Variants in C17orf99 observed in about 807,000 individuals in gnomAD.
C17orf99 encodes protein IL-40.
In C17orf99, 18 loss-of-function variants were observed where a neutral mutation model predicts 22.6. The ratio of observed to expected loss-of-function variants is 0.80; its 90% confidence interval spans 0.55 to 1.18. The LOEUF is 1.18. C17orf99 is among the 50% of genes most tolerant of loss of function. The pLI is 0.00. For missense variants in C17orf99, 328 were observed against 342.7 expected, an observed-to-expected ratio of 0.96 and a Z score of 0.34; for synonymous variants, 147 against 136.6, an observed-to-expected ratio of 1.08 and a Z score of -0.53.
intron 2 of C17orf99, 21 bp from the exon 3 acceptor site, chr17:78,160,934 T>A (rs2075570138): frequency 6.5e-7 from 1 of 1,542,856 alleles, no homozygotes; most frequent in Non-Finnish European, 8.8e-7. Flanking sequence ...TTCTTCCTCC[T>A]TGGACCTTTT....
chr17:78,147,211 C>CA (rs1354324644), intron 2 of C17orf99, among the ~76,000 whole-genome samples: 1 of 152,180 alleles, frequency 6.6e-6, no homozygotes, highest in African/African-American at 2.4e-5. Flanking sequence ...GGTGCATCCT[C>CA]ATCACTCTGC....
chr17:78,161,296 G>A (rs1264111037), intron 3 of C17orf99, 42 bp downstream of exon 3: 18 of 1,508,164 alleles, frequency 1.2e-5, no homozygotes, highest in Non-Finnish European at 1.5e-5. Flanking sequence ...GGCAGGTGGG[G>A]TGCAGATCAA....
intron 2 of C17orf99, among the ~76,000 whole-genome samples, chr17:78,148,283 G>A (rs2075451576): frequency 6.6e-6 from 1 of 151,722 alleles, no homozygotes; most frequent in African/African-American, 2.4e-5. Context: ...TGGGGTCAAG[G>A]GATTCTTCCA....
chr17:78,164,711 C>T, intron 4 of C17orf99: 1 of 1,358,374 alleles, frequency 7.4e-7, no homozygotes, highest in Non-Finnish European at 9.6e-7. Flanking sequence ...TGCTGATGGC[C>T]TGAGAGGTCC....
Position 78,161,063 on chromosome 17 carries a change from A to T in C17orf99, c.179A>T (p.Tyr60Phe), listed in dbSNP as rs1410740479. Residue 60 changes from tyrosine to phenylalanine, a missense_variant, in exon 3 of 5, where the codon TAT becomes TTT. Tyr to Phe is a conservative substitution (Grantham distance 22, BLOSUM62 3). Coordinates refer to ENST00000340363, the MANE Select transcript of C17orf99 (RefSeq NM_001163075.2). ...CAPQPPPPIT[Y>F]SLCGTKNIKV... ...CCCCAGCCACCACCGCCCATCACCT[A>T]TTCCCTCTGTGGAACCAAGAACATC... 2 of 1,551,574 alleles carry T rather than the reference A, an allele frequency of 1.3e-6. No individual in the cohort carries two copies. The highest frequency in any genetic ancestry group is 1.7e-6 in the Non-Finnish European group (2 of 1,146,982).
At chr17:78,164,921 T>C in intron 4 of C17orf99, 1 of 1,155,470 alleles carries the variant, frequency 8.7e-7, no homozygotes, top group African/African-American at 1.6e-5. Context: ...TGTAACACAG[T>C]CTGCTGGCCT....
intron 2 of C17orf99, among the ~76,000 whole-genome samples, chr17:78,150,364 G>A (rs768814033): frequency 6.6e-6 from 1 of 152,064 alleles, no homozygotes; most frequent in African/African-American, 2.4e-5. Context: ...AGCTGGTCTT[G>A]AACTCCTGGC....
chr17:78,154,531 G>A (rs950483768), intron 2 of C17orf99, among the ~76,000 whole-genome samples: 17 of 151,846 alleles, frequency 1.1e-4, no homozygotes, highest in Admixed American at 2.0e-4. Context: ...CTGGGTGACA[G>A]GGTAAGACTT....
At position 78,164,284 on chromosome 17, in the gene C17orf99, G is replaced by A. The variant is rs1332651855; in HGVS notation, c.560G>A (p.Ser187Asn). 1.3e-6 allele frequency: 2 copies of A among 1,551,608 alleles called. No individual in the cohort carries two copies. Among genetic ancestry groups the A allele is most frequent in the Non-Finnish European group, 1.7e-6 (2 of 1,147,008 alleles). ...RQPANFSFLP[S>N]QTSDWFWCQA... ...CCTGCCAACTTCTCCTTCCTGCCGA[G>A]CCAGACATCGGACTGGTTCTGGTGC... Residue 187 changes from serine to asparagine, a missense_variant, in exon 4 of 5, where the codon AGC (serine) becomes AAC (asparagine). Ser to Asn is a conservative substitution (Grantham distance 46). Transcript: ENST00000340363.
chr17:78,146,816 A>G lies in C17orf99; in HGVS notation c.38-63A>G. On this transcript the variant is annotated intron_variant, in intron 1 of 4. Coordinates refer to ENST00000340363, the MANE Select transcript of C17orf99 (RefSeq NM_001163075.2). This position sits in a 1 kb window ranked among gnomAD's most constrained non-coding sequence, Gnocchi z 5.2. ...TCCTGGCTTCAGCAGGTGGGTCTCG[A>G]GGCTGTCTCTGGTCTCCCCTCCACA... is the stretch of plus-strand genomic sequence containing the variant. 6.7e-7 allele frequency: 1 copy of G among 1,502,172 alleles called. No individual in the cohort carries two copies. The highest frequency in any genetic ancestry group is 9.1e-7 in the Non-Finnish European group (1 of 1,103,182). The allele number at this position is 1,502,172 out of a possible 1,614,324, so 93.1% of individuals were successfully genotyped here. A position where few individuals can be genotyped will look rare whatever the true frequency, so the allele number is the denominator to read the frequency against.
intron 3 of C17orf99, among the ~76,000 whole-genome samples, chr17:78,162,092 G>A (rs771952954): frequency 8.6e-5 from 13 of 151,394 alleles, no homozygotes; most frequent in African/African-American, 2.2e-4. Context: ...TCTGGCCAAC[G>A]TAGTGAAACC....
chr17:78,146,378 C>T, upstream of C17orf99: 1 of 1,548,102 alleles, frequency 6.5e-7, no homozygotes. The surrounding 1 kb of genome is among the most constrained non-coding windows in gnomAD (Gnocchi z 5.2). Context: ...GTTCTCACTG[C>T]CCGAGCAGAG....
At chr17:78,146,361 C>T, upstream of C17orf99, 1 of 1,539,952 alleles carries the variant, frequency 6.5e-7, no homozygotes, top group Non-Finnish European at 8.8e-7. The surrounding 1 kb of genome is among the most constrained non-coding windows in gnomAD (Gnocchi z 5.2). Context: ...AGGCCAGGAA[C>T]TAGGAGGTTC....
At chr17:78,158,925 CA>C in intron 2 of C17orf99, 1 of 162,886 alleles carries the variant, frequency 6.1e-6, no homozygotes. Flanking sequence ...AGCACCACCC[CA>C]AAAGACTGGG....
At chr17:78,145,749 G>A (rs934519279), upstream of C17orf99, among the ~76,000 whole-genome samples, 9 of 151,294 alleles carry the variant, frequency 5.9e-5, no homozygotes, top group African/African-American at 9.7e-5. Flanking sequence ...CCCTTGCCGC[G>A]TAGCATGGTG....
chr17:78,165,646 T>G (rs967888126), intron 4 of C17orf99: 1 of 920,456 alleles, frequency 1.1e-6, no homozygotes, highest in African/African-American at 1.8e-5. Context: ...CTACTAAAAA[T>G]ACAAAATTAG....
chr17:78,161,319 G>C (rs970125265), intron 3 of C17orf99, 65 bp downstream of exon 3: 16 of 1,390,388 alleles, frequency 1.2e-5, no homozygotes, highest in Non-Finnish European at 1.6e-5. Context: ...GGGAGCTCTG[G>C]GAGTGGGGAT....
chr17:78,160,670 G>GTATCATTAAAAAA, intron 2 of C17orf99: 37 of 372,528 alleles, frequency 9.9e-5, no homozygotes, highest in South Asian at 3.7e-4. Context: ...TGCCACCTCC[G>GTATCATTAAAAAA]CCTTCCTGGT....
At chr17:78,150,155 T>C (rs929869420) in intron 2 of C17orf99, among the ~76,000 whole-genome samples, 1 of 151,990 alleles carries the variant, frequency 6.6e-6, no homozygotes, top group South Asian at 2.1e-4. Context: ...ACTATAGGCA[T>C]GCACCACCAT....
Sources: gnomAD v4.1 joint callset for allele counts (sites outside exome capture counted in the v4.1 genomes callset) on GRCh38, gnomAD v4.1.1 for gene constraint, Gnocchi (gnomAD v3.1) non-coding constraint, MANE v1.5 for transcripts, NCBI Gene and HGNC (gene_info 2026-07-23, HGNC 2026-07-21) for gene names.